The following SF3B1 variants were observed in gnomAD, a reference collection of about 807,000 sequenced individuals.
SF3B1 encodes splicing factor 3b subunit 1.
In SF3B1, 12 loss-of-function variants were observed where a neutral mutation model predicts 153.8. That is an observed-to-expected ratio of 0.08 (90% CI 0.05 to 0.13). The LOEUF (loss-of-function observed/expected upper bound fraction) is 0.13. SF3B1 is among the 10% of genes least tolerant of loss of function. SF3B1 has a pLI of 1.00. For missense variants in SF3B1, 513 were observed against 1,606.1 expected (o/e 0.32, Z 11.63); for synonymous variants, 498 against 525.2 (o/e 0.95, Z 0.71).
intron 1 of SF3B1, among the ~76,000 whole-genome samples, chr2:197,427,441 A>C (rs1406354574): frequency 3.9e-5 from 6 of 152,244 alleles, no homozygotes; most frequent in Non-Finnish European, 7.3e-5. Context: ...AGATTCCATA[A>C]AACTCAGCAG....
intron 22 of SF3B1, among the ~76,000 whole-genome samples, chr2:197,397,162 A>C (rs1253222221): frequency 6.6e-6 from 1 of 152,136 alleles, no homozygotes; most frequent in Non-Finnish European, 1.5e-5. Flanking sequence ...GTAATGTTAG[A>C]ATAGCATTTT....
chr2:197,401,313 A>C lies in SF3B1; in HGVS notation c.2496+87T>G. ...ATATAAACTGTGAGATAATCAAGGC[A>C]AAAAATAATATACAACATGCATTCA... is the stretch of plus-strand genomic sequence containing the variant. On this transcript the variant is annotated intron_variant, in intron 17 of 24. Transcript: ENST00000335508. This position sits in a 1 kb window ranked among gnomAD's most constrained non-coding sequence, Gnocchi z 4.2. The C allele has an allele frequency of 7.9e-7, 1 of 1,262,822 alleles. No individual in the cohort carries two copies. The highest frequency in any genetic ancestry group is 2.4e-5 in the East Asian group (1 of 42,370). The allele number at this position is 1,262,822 out of a possible 1,614,324, so 78.2% of individuals were successfully genotyped here. A position where few individuals can be genotyped will look rare whatever the true frequency, so the allele number is the denominator to read the frequency against.
At chr2:197,418,928 G>T in intron 4 of SF3B1, 1 of 1,601,272 alleles carries the variant, frequency 6.2e-7, no homozygotes, top group East Asian at 2.2e-5. Context: ...CAGCAGTTCT[G>T]ACTTCAAGCA....
intron 1 of SF3B1, among the ~76,000 whole-genome samples, chr2:197,432,910 G>C (rs1326979555): frequency 6.6e-6 from 1 of 152,092 alleles, no homozygotes. Context: ...AAAGGAATAT[G>C]ACAGCAAAAT....
chr2:197,418,690 A>G, intron 4 of SF3B1, 102 bp from the exon 5 acceptor site: 1 of 1,466,466 alleles, frequency 6.8e-7, no homozygotes, highest in Non-Finnish European at 9.0e-7. Context: ...TTATTCCATA[A>G]TCATTTAAAT....
intron 23 of SF3B1, among the ~76,000 whole-genome samples, chr2:197,395,383 C>T (rs568519247): frequency 1.3e-5 from 2 of 152,348 alleles, no homozygotes; most frequent in East Asian, 3.9e-4. Context: ...TAAATCTGTA[C>T]ACAAAAGTAT....
At position 197,401,389 on chromosome 2, in the gene SF3B1, T is replaced by C; in HGVS notation, c.2496+11A>G. 2 of 1,587,604 alleles carry C rather than the reference T, an allele frequency of 1.3e-6. No individual in the cohort carries two copies. Among genetic ancestry groups the C allele is most frequent in the Admixed American group, 2.0e-5 (1 of 50,000 alleles). On this transcript the variant is annotated intron_variant, in intron 17 of 24. Coordinates refer to ENST00000335508, the MANE Select transcript of SF3B1 (RefSeq NM_012433.4). This position sits in a 1 kb window ranked among gnomAD's most constrained non-coding sequence, Gnocchi z 4.2. ...GACTTTTGAGAATATTCTTTTACAA[T>C]AAAAGCTTACCTGTCGGTAATTTCT...
chr2:197,410,092 A>G, intron 6 of SF3B1, 85 bp from the exon 7 acceptor site: 4 of 952,332 alleles, frequency 4.2e-6, no homozygotes, highest in Non-Finnish European at 6.3e-6. Context: ...TTTAAACGAA[A>G]AATGTTTTAG....
chr2:197,410,127 A>G lies in SF3B1; in HGVS notation c.667-120T>C, dbSNP rs1236132586. The G allele has an allele frequency of 4.7e-6, 3 of 633,994 alleles. No individual in the cohort carries two copies. The African/African-American group carries it at 5.5e-5, about 12-fold the overall frequency. 39.3% of individuals were successfully genotyped at this position (633,994 alleles called of 1,614,324 possible). On this transcript the variant is annotated intron_variant, in intron 6 of 24. Coordinates refer to ENST00000335508, the MANE Select transcript of SF3B1 (RefSeq NM_012433.4). The stretch of plus-strand genomic sequence containing the variant: ...GTTCTATGCACTATAATTAATGAAA[A>G]GTTAGAAGACACTACCTCTACTTAT...
At chr2:197,399,723 C>G (rs2084918289) in intron 20 of SF3B1, among the ~76,000 whole-genome samples, 1 of 151,940 alleles carries the variant, frequency 6.6e-6, no homozygotes, top group Non-Finnish European at 1.5e-5. Flanking sequence ...GCCTTTTCAC[C>G]CCGCAGCAGA....
chr2:197,412,495 A>G (rs2085084642), intron 6 of SF3B1, among the ~76,000 whole-genome samples: 1 of 151,160 alleles, frequency 6.6e-6, no homozygotes, highest in East Asian at 2.0e-4. Context: ...AGCTGGGATT[A>G]CAGGTGCCTG....
At chr2:197,394,532 C>T (rs1449207145) in intron 23 of SF3B1, among the ~76,000 whole-genome samples, 1 of 152,180 alleles carries the variant, frequency 6.6e-6, no homozygotes, top group African/African-American at 2.4e-5. Context: ...CATGAAAAAT[C>T]AATGAGTTAT....
At chr2:197,421,258 CATAAAACTTAGAAACACAATTG>C in intron 2 of SF3B1, 125 bp from the exon 3 acceptor site, 1 of 578,186 alleles carries the variant, frequency 1.7e-6, no homozygotes, top group African/African-American at 1.9e-5. Flanking sequence ...AGCCCTCCTT[CATAAAACTTAGAAACACAATTG>C]GTCTTCTTTC....
At chr2:197,422,467 A>AATGGGTGC (rs1294746333) in intron 2 of SF3B1, among the ~76,000 whole-genome samples, 1 of 152,142 alleles carries the variant, frequency 6.6e-6, no homozygotes, top group Admixed American at 6.5e-5. Flanking sequence ...ATGACAAGTT[A>AATGGGTGC]ATGGGTGCAG....
chr2:197,434,013 T>G (rs1418642332), intron 1 of SF3B1, among the ~76,000 whole-genome samples: 1 of 152,224 alleles, frequency 6.6e-6, no homozygotes, highest in African/African-American at 2.4e-5. Flanking sequence ...ACACATCTGT[T>G]TCTCCTATCA....
chr2:197,403,567 CTATT>C lies in SF3B1; in HGVS notation c.1719+14_1719+17del, dbSNP rs770089059. The C allele has an allele frequency of 3.3e-5, 50 of 1,505,762 alleles. No homozygotes were observed. In the East Asian group the frequency reaches 1.1e-3, roughly 34 times the overall value. 93.3% of individuals were successfully genotyped at this position (1,505,762 alleles called of 1,614,324 possible). The stretch of plus-strand genomic sequence containing the variant: ...TTAAAACTTTAAACTATCAGAAACA[CTATT>C]AAGGAGAACAAACCTTATGCACATA... On this transcript the variant is annotated intron_variant, in intron 12 of 24. Coordinates refer to ENST00000335508, the MANE Select transcript of SF3B1 (RefSeq NM_012433.4).
chr2:197,421,022 A>C lies in SF3B1; in HGVS notation c.300+7T>G. The C allele has an allele frequency of 6.4e-7, 1 of 1,550,824 alleles. No homozygotes were observed. The highest frequency in any genetic ancestry group is 8.8e-7 in the Non-Finnish European group (1 of 1,131,686). The stretch of plus-strand genomic sequence containing the variant: ...GAATAAACTATGCTTTTAAAATGAA[A>C]GATCACCTGTTCTGTTGACTGTGGT... On this transcript the variant is annotated splice_region_variant and intron_variant, in intron 3 of 24. Coordinates refer to ENST00000335508, the MANE Select transcript of SF3B1 (RefSeq NM_012433.4).
At position 197,402,256 on chromosome 2, in the gene SF3B1, T is replaced by G; in HGVS notation, c.2078-126A>C. ...AGAATATGTTCACATTAAACAAAAT[T>G]AGGTAAAAGCAAAACATGAACCATA... On this transcript the variant is annotated intron_variant, in intron 14 of 24. Transcript: ENST00000335508. This position sits in a 1 kb window ranked among gnomAD's most constrained non-coding sequence, Gnocchi z 4.6. The G allele has an allele frequency of 9.0e-7, 1 of 1,114,900 alleles. No homozygotes were observed. Among genetic ancestry groups the G allele is most frequent in the East Asian group, 2.5e-5 (1 of 39,610 alleles). 69.1% of individuals were successfully genotyped at this position (1,114,900 alleles called of 1,614,324 possible). A position where few individuals can be genotyped will look rare whatever the true frequency, so the allele number is the denominator to read the frequency against.
intron 9 of SF3B1, among the ~76,000 whole-genome samples, chr2:197,406,039 G>A (rs1244984939): frequency 6.8e-6 from 1 of 147,066 alleles, no homozygotes; most frequent in East Asian, 2.0e-4. Flanking sequence ...TTTGCAAAAC[G>A]AGTAAAATTT....
Sources: allele counts gnomAD v4.1 joint callset (sites outside exome capture counted in the v4.1 genomes callset), GRCh38; gene constraint gnomAD v4.1.1; non-coding constraint Gnocchi (gnomAD v3.1); transcripts MANE v1.5; gene names NCBI Gene and HGNC (gene_info 2026-07-23, HGNC 2026-07-21).